Variants in ZNF462 observed in about 807,000 individuals in gnomAD.
The protein encoded by ZNF462 is zinc finger protein 462.
In ZNF462, 10 loss-of-function variants were observed where a neutral mutation model predicts 201.9. The observed-to-expected ratio is 0.05, with a 90% CI of 0.03 to 0.08. The LOEUF is 0.08. ZNF462 is among the 10% of genes least tolerant of loss of function. The pLI is 1.00. For synonymous variants in ZNF462, 1,227 were observed against 1,193.3 expected (o/e 1.03, Z -0.58); for missense variants, 2,523 against 3,168.3 (o/e 0.80, Z 4.89).
chr9:106,932,924 G>T lies in ZNF462; in HGVS notation c.6116+375G>T. The T allele has an allele frequency of 3.1e-6, 1 of 322,908 alleles. No homozygotes were observed. Among genetic ancestry groups the T allele is most frequent in the Non-Finnish European group, 5.7e-6 (1 of 173,984 alleles). 20.0% of individuals were successfully genotyped at this position (322,908 alleles called of 1,614,324 possible). ...ATTTAGAAAACTGAGTTGCTAAAGA[G>T]GTAAAATTAGGACTATTAACCCATG... On this transcript the variant is annotated intron_variant, in intron 5 of 12. Coordinates refer to ENST00000277225, the MANE Select transcript of ZNF462 (RefSeq NM_021224.6). This position sits in a 1 kb window ranked among gnomAD's most constrained non-coding sequence, Gnocchi z 6.8.
chr9:106,976,575 G>T (rs900516608), intron 9 of ZNF462: 5 of 152,126 alleles, frequency 3.3e-5, no homozygotes, highest in African/African-American at 1.2e-4. Flanking sequence ...CACATTACCT[G>T]TCACTGGTTA....
intron 6 of ZNF462, among the ~76,000 whole-genome samples, chr9:106,937,109 AG>A (rs763332621): frequency 6.6e-6 from 1 of 152,184 alleles, no homozygotes; most frequent in Non-Finnish European, 1.5e-5. Flanking sequence ...ATTTTAAAGA[AG>A]AAAAGGTAAT....
At chr9:106,945,933 C>G (rs2131702658) in intron 7 of ZNF462, among the ~76,000 whole-genome samples, 2 of 152,336 alleles carry the variant, frequency 1.3e-5, no homozygotes, top group Admixed American at 1.3e-4. Context: ...TCACGTGATA[C>G]ACGCTTCCCA....
At chr9:106,910,356 G>C (rs897227389) in intron 1 of ZNF462, among the ~76,000 whole-genome samples, 1 of 45,256 alleles carries the variant, frequency 2.2e-5, no homozygotes, top group African/African-American at 8.8e-5. Flanking sequence ...TCCACCCCTT[G>C]TTTTAGTTTT....
intron 1 of ZNF462, among the ~76,000 whole-genome samples, chr9:106,922,728 G>C (rs62568595): frequency 6.6e-6 from 1 of 151,610 alleles, no homozygotes; most frequent in Non-Finnish European, 1.5e-5. Flanking sequence ...TTTAGCTCAT[G>C]GAAAAAAAAA....
intron 7 of ZNF462, among the ~76,000 whole-genome samples, chr9:106,952,344 GTAGAAA>G (rs1379932644): frequency 5.9e-5 from 9 of 152,146 alleles, no homozygotes; most frequent in Admixed American, 5.9e-4. Flanking sequence ...CTAAATTACT[GTAGAAA>G]TAGTAGCTAT....
rs779040674 is a variant in ZNF462, at chr9:106,928,153, A to T, written c.4241A>T (p.Glu1414Val). The change falls in exon 3 of 13, where the codon GAG (glutamate) becomes GTG (valine). Residue 1414 changes from glutamate to valine, a missense_variant. Transcript: ENST00000277225. This position sits in a 1 kb window ranked among gnomAD's most constrained non-coding sequence, Gnocchi z 9.3. Reference sequence around the variant, plus strand: ...ATCATCAAGGAGAAAGATGCTGTGGAGAAGCCCATTCTTTCATCCGAAGAG... The same window carrying T: ...ATCATCAAGGAGAAAGATGCTGTGGTGAAGCCCATTCTTTCATCCGAAGAG... ...LDIIKEKDAV[E>V]KPILSSEELA... 5 of 1,614,208 alleles carry T rather than the reference A, an allele frequency of 3.1e-6. No individual in the cohort carries two copies. The Admixed American group carries it at 8.3e-5, about 27-fold the overall frequency.
intron 10 of ZNF462, among the ~76,000 whole-genome samples, chr9:106,998,159 G>A (rs1048565663): frequency 3.9e-5 from 6 of 152,134 alleles, no homozygotes; most frequent in African/African-American, 1.4e-4. Flanking sequence ...TAGGTAATAT[G>A]AGCATCCTGG....
chr9:106,999,619 G>A (rs985611316), intron 10 of ZNF462, among the ~76,000 whole-genome samples: 1 of 152,024 alleles, frequency 6.6e-6, no homozygotes, highest in African/African-American at 2.4e-5. Context: ...TGAAGAAGTT[G>A]GATATACACT....
rs1347274884 is a variant in ZNF462, at chr9:106,872,780, A to G, written c.-31+9425A>G. On this transcript the variant is annotated intron_variant, in intron 1 of 12. Coordinates refer to ENST00000277225, the MANE Select transcript of ZNF462 (RefSeq NM_021224.6). The surrounding 1 kb of genome is among the most constrained non-coding windows in gnomAD (Gnocchi z 4.5). ...TGGGTAAGAACAATAGAAAATAAAT[A>G]TGATTGCTTCATCAAAAAAATCTGC... 1.3e-5 allele frequency among the ~76,000 whole-genome samples: 2 copies of G among 152,206 alleles called. No individual in the cohort carries two copies. The highest frequency in any genetic ancestry group is 2.9e-5 in the Non-Finnish European group (2 of 68,048).
At position 106,924,082 on chromosome 9, in the gene ZNF462, G is replaced by C; in HGVS notation, c.221-51G>C. The C allele has an allele frequency of 7.0e-7, 1 of 1,433,928 alleles. No individual in the cohort carries two copies. The highest frequency in any genetic ancestry group is 1.3e-5 in the South Asian group (1 of 74,340). The allele number at this position is 1,433,928 out of a possible 1,614,324, so 88.8% of individuals were successfully genotyped here. Reference sequence around the variant, plus strand: ...GGAATGGTACTGATTTGCATGATTGGATATTTTAATTATCTTTTGCTTTGT... The same window carrying C: ...GGAATGGTACTGATTTGCATGATTGCATATTTTAATTATCTTTTGCTTTGT... On this transcript the variant is annotated intron_variant, in intron 2 of 12. Coordinates refer to ENST00000277225, the MANE Select transcript of ZNF462 (RefSeq NM_021224.6). The surrounding 1 kb of genome is among the most constrained non-coding windows in gnomAD (Gnocchi z 6.2).
chr9:106,884,320 G>A (rs1828226825), intron 1 of ZNF462, among the ~76,000 whole-genome samples: 1 of 152,160 alleles, frequency 6.6e-6, no homozygotes, highest in South Asian at 2.1e-4. Flanking sequence ...AGTAGGAAAA[G>A]GAAAAGAGTT....
At chr9:106,948,449 T>C (rs1831202464) in intron 7 of ZNF462, among the ~76,000 whole-genome samples, 1 of 152,188 alleles carries the variant, frequency 6.6e-6, no homozygotes, top group Admixed American at 6.5e-5. Flanking sequence ...TCACCTTCTT[T>C]TGAGATGGCT....
intron 7 of ZNF462, 66 bp downstream of exon 7, chr9:106,939,173 A>G (rs532759952): frequency 3.3e-5 from 46 of 1,398,196 alleles, no homozygotes; most frequent in Admixed American, 2.9e-4. Flanking sequence ...TTCATTGCCA[A>G]TCATTTTTTT....
Position 106,928,295 on chromosome 9 carries a change from C to T in ZNF462, c.4383C>T (p.Ala1461=), listed in dbSNP as rs774429110. The change falls in exon 3 of 13, where the codon GCC becomes GCT. Residue 1461 remains alanine (A), a synonymous_variant. Coordinates refer to ENST00000277225, the MANE Select transcript of ZNF462 (RefSeq NM_021224.6). The surrounding 1 kb of genome is among the most constrained non-coding windows in gnomAD (Gnocchi z 9.3). ...SPEKSLQLAS[A]NPAISSTPYQ... ...AGAAAAGCCTGCAGCTAGCTTCAGCCAACCCCGCCATATCCTCCACCCCAT... is the reference window on the plus strand; with the variant it reads ...AGAAAAGCCTGCAGCTAGCTTCAGCTAACCCCGCCATATCCTCCACCCCAT... The T allele has an allele frequency of 1.2e-5, 20 of 1,613,726 alleles. No homozygotes were observed. Among genetic ancestry groups the T allele is most frequent in the Non-Finnish European group, 1.7e-5 (20 of 1,179,902 alleles).
intron 1 of ZNF462, among the ~76,000 whole-genome samples, chr9:106,894,533 G>A (rs1214786526): frequency 1.3e-5 from 2 of 152,180 alleles, no homozygotes; most frequent in African/African-American, 4.8e-5. Context: ...GATTAGATTA[G>A]CTTTTTAAAT....
At position 107,011,323 on chromosome 9, in the gene ZNF462, G is replaced by A. The variant is rs936183043; in HGVS notation, c.*293G>A. 5 of 362,032 alleles carry A rather than the reference G, an allele frequency of 1.4e-5. No individual in the cohort carries two copies. The highest frequency in any genetic ancestry group is 1.1e-4 in the African/African-American group (5 of 47,578). 22.4% of individuals were successfully genotyped at this position (362,032 alleles called of 1,614,324 possible). A position where few individuals can be genotyped will look rare whatever the true frequency, so the allele number is the denominator to read the frequency against. ...TATGGAAGCACCTCCCAATGGTACG[G>A]TGCACCCTGTGGTGGTCTTGGACAG... On this transcript the variant is annotated 3_prime_UTR_variant, in exon 13 of 13. Transcript: ENST00000277225. The surrounding 1 kb of genome is among the most constrained non-coding windows in gnomAD (Gnocchi z 5.6).
intron 7 of ZNF462, among the ~76,000 whole-genome samples, chr9:106,951,284 C>T (rs1242708793): frequency 2.0e-5 from 3 of 152,084 alleles, no homozygotes. Context: ...GGGGTATTTT[C>T]TAAATCACGG....
At chr9:106,951,145 T>A (rs766464683) in intron 7 of ZNF462, among the ~76,000 whole-genome samples, 2 of 152,202 alleles carry the variant, frequency 1.3e-5, no homozygotes, top group Non-Finnish European at 2.9e-5. Flanking sequence ...AGATTTGCTT[T>A]TTCTGTTTTA....
Sources: gnomAD v4.1 joint callset for allele counts (sites outside exome capture counted in the v4.1 genomes callset) on GRCh38, gnomAD v4.1.1 for gene constraint, Gnocchi (gnomAD v3.1) non-coding constraint, MANE v1.5 for transcripts, NCBI Gene and HGNC (gene_info 2026-07-23, HGNC 2026-07-21) for gene names.